Variants in CTSS observed in about 807,000 individuals in gnomAD.
CTSS encodes cathepsin S.
CTSS carries 15 observed loss-of-function variants against 39.9 expected under a neutral mutation model. The ratio of observed to expected loss-of-function variants is 0.38; its 90% CI spans 0.25 to 0.58. CTSS has a LOEUF of 0.58. Among genes scored for constraint, CTSS ranks in the 20% least tolerant of loss-of-function variants. The pLI is 0.70. For synonymous variants in CTSS, 126 were observed against 138.2 expected (o/e 0.91, Z 0.62); for missense variants, 250 against 398.2 (o/e 0.63, Z 3.17).
chr1:150,756,542 A>G (rs1189555520), intron 3 of CTSS, among the ~76,000 whole-genome samples: 2 of 152,140 alleles, frequency 1.3e-5, no homozygotes, highest in Non-Finnish European at 2.9e-5. Flanking sequence ...GTTGTGCTAC[A>G]TTGTTATGGT....
intron 4 of CTSS, among the ~76,000 whole-genome samples, chr1:150,754,625 A>G (rs977419849): frequency 2.6e-5 from 4 of 152,052 alleles, no homozygotes; most frequent in African/African-American, 9.7e-5. Flanking sequence ...ACGGGGTTTC[A>G]TCATGTTGGC....
At chr1:150,763,511 C>T (rs1382728152) in intron 2 of CTSS, among the ~76,000 whole-genome samples, 1 of 152,070 alleles carries the variant, frequency 6.6e-6, no homozygotes, top group East Asian at 1.9e-4. Flanking sequence ...CTAATTTAAT[C>T]ATTCTGCAAT....
intron 2 of CTSS, among the ~76,000 whole-genome samples, chr1:150,764,109 C>T (rs907454254): frequency 2.6e-5 from 4 of 152,248 alleles, no homozygotes; most frequent in African/African-American, 7.2e-5. Context: ...TAGCATACTA[C>T]ATATCTGCTT....
In CTSS at chr1:150,730,744, C is replaced by T. The variant is rs1652501306; in HGVS notation, c.*2302G>A. 6.6e-6 allele frequency: 1 copy of T among 152,172 alleles called. No individual in the cohort carries two copies. The highest frequency in any genetic ancestry group is 6.5e-5 in the Admixed American group (1 of 15,278). 9.4% of individuals were successfully genotyped at this position (152,172 alleles called of 1,614,324 possible). A position where few individuals can be genotyped will look rare whatever the true frequency, so the allele number is the denominator to read the frequency against. On this transcript the variant is annotated 3_prime_UTR_variant, in exon 8 of 8. Transcript: ENST00000368985. ...ATAAACCACGGTAATATTAGCAATA[C>T]TTCATCATCAAAAGAAAAACCCAGA... is the stretch of plus-strand genomic sequence containing the variant.
intron 7 of CTSS, among the ~76,000 whole-genome samples, chr1:150,737,171 C>T (rs900664991): frequency 6.6e-6 from 1 of 152,090 alleles, no homozygotes; most frequent in Middle Eastern, 3.4e-3. Context: ...GGCACAACCT[C>T]GCCTCACTGC....
At chr1:150,749,666 T>G (rs1302966541) in intron 6 of CTSS, among the ~76,000 whole-genome samples, 1 of 150,678 alleles carries the variant, frequency 6.6e-6, no homozygotes, top group Non-Finnish European at 1.5e-5. Context: ...CCTTGTTTTT[T>G]AGAGACAGGT....
At chr1:150,738,602 G>GC (rs1652683240) in intron 7 of CTSS, among the ~76,000 whole-genome samples, 6 of 150,904 alleles carry the variant, frequency 4.0e-5, no homozygotes, top group Admixed American at 1.3e-4. Context: ...TCCTGCCTCA[G>GC]CCTCCCAAGT....
rs2101919267 is a variant in CTSS at position 150,750,135 on chromosome 1, C to T, written c.664G>A (p.Ala222Thr). Reference sequence around the variant, plus strand: ...AGTTCAGTGTACTTTGAACATGTGGCAGCACGATATTTTGAGTCATATTGA... The same window carrying T: ...AGTTCAGTGTACTTTGAACATGTGGTAGCACGATATTTTGAGTCATATTGA... Reference protein sequence around the residue: ...KCQYDSKYRAATCSKYTELPY... With the variant: ...KCQYDSKYRATTCSKYTELPY... The change falls in exon 6 of 8, where the codon GCC becomes ACC. Residue 222 changes from alanine (A) to threonine (T), a missense_variant. By Grantham distance (58) the Ala-to-Thr change is moderately conservative. Coordinates refer to ENST00000368985, the MANE Select transcript of CTSS (RefSeq NM_004079.5). The T allele has an allele frequency of 6.2e-7, 1 of 1,613,064 alleles. No individual in the cohort carries two copies. The highest frequency in any genetic ancestry group is 1.7e-5 in the Admixed American group (1 of 59,870).
At chr1:150,749,846 G>T (rs1425363945) in intron 6 of CTSS, among the ~76,000 whole-genome samples, 160 bp downstream of exon 6, 1 of 151,622 alleles carries the variant, frequency 6.6e-6, no homozygotes, top group African/African-American at 2.4e-5. Context: ...TAGAGATAAG[G>T]GTCTCGCGAT....
chr1:150,751,742 A>T, intron 5 of CTSS, 39 bp downstream of exon 5: 1 of 1,576,164 alleles, frequency 6.3e-7, no homozygotes, highest in Non-Finnish European at 8.7e-7. Context: ...GGATAACATG[A>T]GATCATGGGG....
At chr1:150,765,532 C>T (rs1330090070) in intron 1 of CTSS, among the ~76,000 whole-genome samples, 166 bp downstream of exon 1, 1 of 152,104 alleles carries the variant, frequency 6.6e-6, no homozygotes, top group Admixed American at 6.5e-5. Flanking sequence ...TGCTTAGATG[C>T]TCAAGCAGAC....
In CTSS at chr1:150,756,290, G is replaced by A. The variant is rs372489499; in HGVS notation, c.250-1140C>T. 3.0e-3 allele frequency among the ~76,000 whole-genome samples: 456 copies of A among 152,250 alleles called. 27 individuals are homozygous for A. In the South Asian group the frequency reaches 0.093, roughly 31 times the overall value. On this transcript the variant is annotated intron_variant, in intron 3 of 7. Transcript: ENST00000368985. ...CCTCTGATAACAATGTTTTCTACTG[G>A]ATGCCTCCTGAAGGACCTGCCTGAG...
chr1:150,759,601 T>C (rs1653209978), intron 2 of CTSS, among the ~76,000 whole-genome samples: 1 of 152,212 alleles, frequency 6.6e-6, no homozygotes, highest in Non-Finnish European at 1.5e-5. Context: ...GTGTGCATAT[T>C]ATTCCTTTAT....
chr1:150,738,904 C>A, intron 7 of CTSS, among the ~76,000 whole-genome samples: 1 of 152,052 alleles, frequency 6.6e-6, no homozygotes, highest in Admixed American at 6.6e-5. Flanking sequence ...AATTAATAAC[C>A]TTACAATGGG....
intron 7 of CTSS, among the ~76,000 whole-genome samples, chr1:150,744,463 T>G (rs1300714752): frequency 2.3e-5 from 1 of 43,952 alleles, no homozygotes; most frequent in Non-Finnish European, 4.2e-5. Flanking sequence ...TATGTATACA[T>G]AATATATTAT....
intron 6 of CTSS, chr1:150,748,115 C>T (rs1225739698): frequency 3.1e-6 from 1 of 322,246 alleles, no homozygotes; most frequent in Non-Finnish European, 5.7e-6. Context: ...CATGGTGACA[C>T]CCCATCTCTA....
intron 7 of CTSS, among the ~76,000 whole-genome samples, chr1:150,737,871 G>A (rs587737375): frequency 4.6e-5 from 7 of 152,314 alleles, no homozygotes; most frequent in Admixed American, 2.0e-4. Context: ...GGATGTTTGC[G>A]CAAAGATGCA....
rs1652494820 is a variant in CTSS, at chr1:150,730,442, C to T, written c.*2604G>A. ...CTGTGCTTTTGGAGGTAAGGATGCT[C>T]CTTTTCTCTGGGTGCCAGGAGAGCA... is the stretch of plus-strand genomic sequence containing the variant. On this transcript the variant is annotated 3_prime_UTR_variant, in exon 8 of 8. Coordinates refer to ENST00000368985, the MANE Select transcript of CTSS (RefSeq NM_004079.5). 1 of 152,124 alleles carries T rather than the reference C, an allele frequency of 6.6e-6. No individual in the cohort carries two copies. Among genetic ancestry groups the T allele is most frequent in the Non-Finnish European group, 1.5e-5 (1 of 68,044 alleles). 9.4% of individuals were successfully genotyped at this position (152,124 alleles called of 1,614,324 possible). A position where few individuals can be genotyped will look rare whatever the true frequency, so the allele number is the denominator to read the frequency against.
In CTSS at chr1:150,749,627, T is replaced by A. The variant is rs977013082; in HGVS notation, c.793+379A>T. Among the ~76,000 whole-genome samples, 12 of 97,868 alleles carry A rather than the reference T, an allele frequency of 1.2e-4. No individual in the cohort carries two copies. In the Admixed American group the frequency reaches 1.5e-3, roughly 13 times the overall value. The allele number at this position is 97,868 out of a possible 152,430, so 64.2% of individuals were successfully genotyped here. A position where few individuals can be genotyped will look rare whatever the true frequency, so the allele number is the denominator to read the frequency against. ...GCCCTGCCCTGCCCTGCCCTGCCCC[T>A]CTTTCTTCCTTCTTTCTCTTTCTTT... On this transcript the variant is annotated intron_variant, in intron 6 of 7. Coordinates refer to ENST00000368985, the MANE Select transcript of CTSS (RefSeq NM_004079.5).
Sources: gnomAD v4.1 joint callset for allele counts (sites outside exome capture counted in the v4.1 genomes callset) on GRCh38, gnomAD v4.1.1 for gene constraint, MANE v1.5 for transcripts, NCBI Gene and HGNC (gene_info 2026-07-23, HGNC 2026-07-21) for gene names.